Variants in PXN observed in about 807,000 individuals in gnomAD.
The protein encoded by PXN is testicular tissue protein Li 134.
Under a neutral mutation model 103.6 loss-of-function variants are expected in PXN, and 61 were observed. The observed-to-expected ratio is 0.59, with a 90% CI of 0.48 to 0.73. The LOEUF (loss-of-function observed/expected upper bound fraction) is 0.73. Among genes scored for constraint, PXN ranks in the 30% least tolerant of loss-of-function variants. PXN has a pLI of 0.00. For missense variants in PXN, 1,274 were observed against 1,460.3 expected (o/e 0.87, Z 2.08); for synonymous variants, 562 against 607.8 (o/e 0.92, Z 1.11).
intron 1 of PXN, chr12:120,226,698 A>G: frequency 8.9e-7 from 1 of 1,121,866 alleles, no homozygotes; most frequent in Non-Finnish European, 1.1e-6. Context: ...CCTGGGGCAC[A>G]GAGACACAAG....
intron 1 of PXN, among the ~76,000 whole-genome samples, chr12:120,239,852 G>T (rs943672607): frequency 4.6e-5 from 7 of 151,704 alleles, no homozygotes; most frequent in Non-Finnish European, 1.0e-4. Context: ...GGCTTCCCAG[G>T]AACAGTCAGA....
Position 120,215,291 on chromosome 12 carries a change from G to T in PXN, c.2404-18C>A. On this transcript the variant is annotated intron_variant, in intron 10 of 14. Coordinates refer to ENST00000637617, the MANE Select transcript of PXN (RefSeq NM_001385981.1). The surrounding 1 kb of genome is among the most constrained non-coding windows in gnomAD (Gnocchi z 4.9). The stretch of plus-strand genomic sequence containing the variant: ...GCCATGAACTGTGGACACGGAGGGG[G>T]CTGGTCAGGACTCCTGAGGCTCGGG... 6.4e-7 allele frequency: 1 copy of T among 1,573,910 alleles called. No homozygotes were observed. The highest frequency in any genetic ancestry group is 1.3e-5 in the African/African-American group (1 of 74,172).
intron 1 of PXN, among the ~76,000 whole-genome samples, chr12:120,244,407 G>A (rs959928119): frequency 7.2e-5 from 11 of 151,892 alleles, no homozygotes; most frequent in Non-Finnish European, 4.4e-5. Flanking sequence ...AGCACTTTGG[G>A]AGGCCGAGGC....
intron 1 of PXN, among the ~76,000 whole-genome samples, chr12:120,255,618 C>T (rs533515128): frequency 5.0e-4 from 76 of 151,892 alleles, no homozygotes; most frequent in Non-Finnish European, 2.1e-4. Flanking sequence ...CACTTGAACC[C>T]GGGAGGCGGA....
intron 3 of PXN, 35 bp from the exon 4 acceptor site, chr12:120,223,034 T>A: frequency 1.2e-6 from 2 of 1,613,764 alleles, no homozygotes; most frequent in Non-Finnish European, 1.7e-6. Context: ...TAGTGAGAGA[T>A]GCTTTCTGGC....
Position 120,214,259 on chromosome 12 carries a change from G to A in PXN, c.2749-42C>T, listed in dbSNP as rs1257464258. ...TGGGATCAAGGCTGAGCTCTGGGCAGATCTCACAACTGAGACGCCCAGCAA... is the reference window on the plus strand; with the variant it reads ...TGGGATCAAGGCTGAGCTCTGGGCAAATCTCACAACTGAGACGCCCAGCAA... On this transcript the variant is annotated intron_variant, in intron 12 of 14. Transcript: ENST00000637617. This position sits in a 1 kb window ranked among gnomAD's most constrained non-coding sequence, Gnocchi z 5.0. 7 of 1,519,858 alleles carry A rather than the reference G, an allele frequency of 4.6e-6. No homozygotes were observed. The East Asian group carries it at 1.2e-4, about 27-fold the overall frequency. The allele number at this position is 1,519,858 out of a possible 1,614,324, so 94.1% of individuals were successfully genotyped here. A position where few individuals can be genotyped will look rare whatever the true frequency, so the allele number is the denominator to read the frequency against.
At position 120,214,887 on chromosome 12, in the gene PXN, C is replaced by G. The variant is rs1237418699; in HGVS notation, c.2686G>C (p.Glu896Gln). ...GAGAAGAGGTTGTGGTAGTCCTTTT[C>G]ACAGTAGGGCTGTCCATCCCGCTCG... ...FFERDGQPYC[E>Q]KDYHNLFSPR... The change falls in exon 12 of 15, where the codon GAA (glutamate) becomes CAA (glutamine). Residue 896 changes from glutamate to glutamine, a missense_variant. Around this residue, in one of 2 missense-constraint regions of PXN, gnomAD observed 1,178 missense variants for 1,309.0 expected, o/e 0.90. Transcript: ENST00000637617. This position sits in a 1 kb window ranked among gnomAD's most constrained non-coding sequence, Gnocchi z 5.0. 1 of 1,614,010 alleles carries G rather than the reference C, an allele frequency of 6.2e-7. No individual in the cohort carries two copies. The highest frequency in any genetic ancestry group is 2.2e-5 in the East Asian group (1 of 44,890).
rs765519603 is a variant in PXN, at chr12:120,225,058, C to G, written c.14-681G>C. On this transcript the variant is annotated intron_variant, in intron 1 of 14. Coordinates refer to ENST00000637617, the MANE Select transcript of PXN (RefSeq NM_001385981.1). This position sits in a 1 kb window ranked among gnomAD's most constrained non-coding sequence, Gnocchi z 4.4. ...TGCGGAAGTCTGGCAAGCAGCCCGG[C>G]CCCAGAGGCTCCAGGCCCCCACTGT... is the stretch of plus-strand genomic sequence containing the variant. 3.9e-6 allele frequency: 1 copy of G among 259,368 alleles called. No individual in the cohort carries two copies. The highest frequency in any genetic ancestry group is 7.9e-6 in the Non-Finnish European group (1 of 126,858). 16.1% of individuals were successfully genotyped at this position (259,368 alleles called of 1,614,324 possible).
Position 120,215,406 on chromosome 12 carries a change from G to A in PXN, c.2404-133C>T, listed in dbSNP as rs1882453283. On this transcript the variant is annotated intron_variant, in intron 10 of 14. Coordinates refer to ENST00000637617, the MANE Select transcript of PXN (RefSeq NM_001385981.1). This position sits in a 1 kb window ranked among gnomAD's most constrained non-coding sequence, Gnocchi z 4.9. ...AGACAAGAAGTACAACCTCCTCCAGGGGCCAGGAGCCCTAAAGTGGGAGTG... is the reference window on the plus strand; with the variant it reads ...AGACAAGAAGTACAACCTCCTCCAGAGGCCAGGAGCCCTAAAGTGGGAGTG... The A allele has an allele frequency of 6.9e-6, 10 of 1,451,572 alleles. No homozygotes were observed. Among genetic ancestry groups the A allele is most frequent in the Non-Finnish European group, 9.1e-6 (10 of 1,102,856 alleles). The allele number at this position is 1,451,572 out of a possible 1,614,324, so 89.9% of individuals were successfully genotyped here. A position where few individuals can be genotyped will look rare whatever the true frequency, so the allele number is the denominator to read the frequency against.
chr12:120,224,332 T>C lies in PXN; in HGVS notation c.59A>G (p.Lys20Arg). ...CTCCTCCGACAAGAACACAGGCCGT[T>C]TGGAGATGTGGGAGGTGGTAGACTC... is the stretch of plus-strand genomic sequence containing the variant. Reference protein sequence around the residue: ...DLESTTSHISKRPVFLSEETP... With the variant: ...DLESTTSHISRRPVFLSEETP... Residue 20 changes from lysine to arginine, a missense_variant, in exon 2 of 15, where the codon AAA (lysine) becomes AGA (arginine). Around this residue, in one of 2 missense-constraint regions of PXN, gnomAD observed 1,178 missense variants for 1,309.0 expected, o/e 0.90. Transcript: ENST00000637617. The surrounding 1 kb of genome is among the most constrained non-coding windows in gnomAD (Gnocchi z 5.0). 1 of 1,613,950 alleles carries C rather than the reference T, an allele frequency of 6.2e-7. No homozygotes were observed. The highest frequency in any genetic ancestry group is 1.1e-5 in the South Asian group (1 of 91,082).
In PXN at chr12:120,222,829, C is replaced by G. The variant is rs1885595020; in HGVS notation, c.493+34G>C. ...AGAGGTCAGCAGATGGGCCCTGGGC[C>G]CTGGTAGACCCTGCCCCAGGGACCC... On this transcript the variant is annotated intron_variant, in intron 4 of 14. Coordinates refer to ENST00000637617, the MANE Select transcript of PXN (RefSeq NM_001385981.1). This position sits in a 1 kb window ranked among gnomAD's most constrained non-coding sequence, Gnocchi z 4.7. The G allele has an allele frequency of 6.2e-7, 1 of 1,610,142 alleles. No individual in the cohort carries two copies. The highest frequency in any genetic ancestry group is 8.5e-7 in the Non-Finnish European group (1 of 1,178,114).
rs1221682195 is a variant in PXN at position 120,211,763 on chromosome 12, T to C, written c.*551A>G. 2.7e-6 allele frequency: 1 copy of C among 373,258 alleles called. No individual in the cohort carries two copies. Among genetic ancestry groups the C allele is most frequent in the Non-Finnish European group, 5.4e-6 (1 of 185,344 alleles). The allele number at this position is 373,258 out of a possible 1,614,324, so 23.1% of individuals were successfully genotyped here. Reference sequence around the variant, plus strand: ...GGGGCAGTCGCCAGGCCTAGGGCACTGGAAGGGTAGGAGGAGCACAGAGAA... The same window carrying C: ...GGGGCAGTCGCCAGGCCTAGGGCACCGGAAGGGTAGGAGGAGCACAGAGAA... On this transcript the variant is annotated 3_prime_UTR_variant, in exon 15 of 15. Coordinates refer to ENST00000637617, the MANE Select transcript of PXN (RefSeq NM_001385981.1).
chr12:120,240,109 G>A (rs1441214052), intron 1 of PXN, among the ~76,000 whole-genome samples: 1 of 152,040 alleles, frequency 6.6e-6, no homozygotes, highest in Non-Finnish European at 1.5e-5. Flanking sequence ...CTATAGAATA[G>A]GTATAATAAC....
intron 1 of PXN, among the ~76,000 whole-genome samples, chr12:120,233,004 T>G (rs1432059391): frequency 6.6e-6 from 1 of 152,198 alleles, no homozygotes; most frequent in Non-Finnish European, 1.5e-5. Flanking sequence ...GTCACATCAA[T>G]TCTTCCTTCG....
rs1883094671 is a variant in PXN at position 120,216,585 on chromosome 12, G to A, written c.1993-4C>T. Reference sequence around the variant, plus strand: ...GAGAGCCAGGAGGGAAGACAACCTGGGGAGAAGAAAGGAGGGAGAGCGATG... The same window carrying A: ...GAGAGCCAGGAGGGAAGACAACCTGAGGAGAAGAAAGGAGGGAGAGCGATG... On this transcript the variant is annotated splice_polypyrimidine_tract_variant and splice_region_variant and intron_variant, in intron 8 of 14. Transcript: ENST00000637617. This position sits in a 1 kb window ranked among gnomAD's most constrained non-coding sequence, Gnocchi z 5.1. 6.9e-7 allele frequency: 1 copy of A among 1,451,038 alleles called. No homozygotes were observed. The highest frequency in any genetic ancestry group is 9.0e-7 in the Non-Finnish European group (1 of 1,112,994). The allele number at this position is 1,451,038 out of a possible 1,614,324, so 89.9% of individuals were successfully genotyped here. A position where few individuals can be genotyped will look rare whatever the true frequency, so the allele number is the denominator to read the frequency against.
In PXN at chr12:120,216,613, G is replaced by A. The variant is rs572887979; in HGVS notation, c.1993-32C>T. On this transcript the variant is annotated intron_variant, in intron 8 of 14. Transcript: ENST00000637617. This position sits in a 1 kb window ranked among gnomAD's most constrained non-coding sequence, Gnocchi z 5.1. ...AGAAGAAAGGAGGGAGAGCGATGAG[G>A]AAGAAATCGCCAGCTCAGCCCACAG... 6 of 1,503,178 alleles carry A rather than the reference G, an allele frequency of 4.0e-6. No individual in the cohort carries two copies. Among genetic ancestry groups the A allele is most frequent in the Admixed American group, 5.3e-5 (2 of 38,092 alleles). The allele number at this position is 1,503,178 out of a possible 1,614,324, so 93.1% of individuals were successfully genotyped here. A position where few individuals can be genotyped will look rare whatever the true frequency, so the allele number is the denominator to read the frequency against.
Position 120,224,980 on chromosome 12 carries a change from C to T in PXN, c.14-603G>A, listed in dbSNP as rs187773752. 8 of 340,080 alleles carry T rather than the reference C, an allele frequency of 2.4e-5. No individual in the cohort carries two copies. Among genetic ancestry groups the T allele is most frequent in the African/African-American group, 1.3e-4 (6 of 46,578 alleles). The allele number at this position is 340,080 out of a possible 1,614,324, so 21.1% of individuals were successfully genotyped here. ...GGGGGCTGGAGTGAGGCTGGTGCAG[C>T]GGTCCCCACCCCCTCAGTGAGCAGG... On this transcript the variant is annotated intron_variant, in intron 1 of 14. Transcript: ENST00000637617. This position sits in a 1 kb window ranked among gnomAD's most constrained non-coding sequence, Gnocchi z 5.0.
At chr12:120,243,955 T>C (rs571499424) in intron 1 of PXN, among the ~76,000 whole-genome samples, 226 of 152,086 alleles carry the variant, frequency 1.5e-3, no homozygotes, top group Middle Eastern at 3.4e-3. Context: ...TAGCATATAA[T>C]AGGGGCTCCA....
intron 1 of PXN, among the ~76,000 whole-genome samples, chr12:120,232,042 T>G (rs1888152184): frequency 6.6e-6 from 1 of 152,226 alleles, no homozygotes; most frequent in South Asian, 2.1e-4. Context: ...CTTTTTTTCT[T>G]TTTTTGAGAC....
Sources: allele counts gnomAD v4.1 joint callset (sites outside exome capture counted in the v4.1 genomes callset), GRCh38; gene constraint gnomAD v4.1.1; regional missense constraint gnomAD v4.1.1; non-coding constraint Gnocchi (gnomAD v3.1); transcripts MANE v1.5; gene names NCBI Gene and HGNC (gene_info 2026-07-23, HGNC 2026-07-21).